The following NR3C1 variants were observed in gnomAD, a reference collection of about 807,000 sequenced individuals.
NR3C1 encodes the protein nuclear receptor subfamily 3 group C member 1, also known as glucocorticoid receptor.
Under a neutral mutation model 74.0 loss-of-function variants are expected in NR3C1, and 14 were observed. That is an observed-to-expected ratio of 0.19 (90% CI 0.12 to 0.30). NR3C1 has a LOEUF of 0.30. NR3C1 is among the 10% of genes least tolerant of loss of function. The pLI, the probability that NR3C1 is intolerant of heterozygous loss-of-function variation, is 1.00. For synonymous variants in NR3C1, 308 were observed against 332.5 expected, an observed-to-expected ratio of 0.93 and a Z score of 0.80; for missense variants, 695 against 909.8, an observed-to-expected ratio of 0.76 and a Z score of 3.04.
intron 1 of NR3C1, chr5:143,408,890 T>G (rs1181869074): frequency 6.6e-6 from 1 of 152,212 alleles, no homozygotes; most frequent in East Asian, 1.9e-4. Flanking sequence ...CTTTTAAAAT[T>G]GTCTTACATC....
chr5:143,304,431 C>T (rs888426073), intron 4 of NR3C1, among the ~76,000 whole-genome samples: 1 of 152,100 alleles, frequency 6.6e-6, no homozygotes, highest in Non-Finnish European at 1.5e-5. Flanking sequence ...AATGGAATAA[C>T]ATTCCATGCT....
intron 2 of NR3C1, among the ~76,000 whole-genome samples, chr5:143,327,615 G>A (rs1824918595): frequency 6.6e-6 from 1 of 152,172 alleles, no homozygotes. Flanking sequence ...ATACAATGAG[G>A]GAACAGGCAT....
At chr5:143,385,698 C>A (rs141422206) in intron 2 of NR3C1, among the ~76,000 whole-genome samples, 14 of 152,364 alleles carry the variant, frequency 9.2e-5, no homozygotes, top group African/African-American at 3.1e-4. Context: ...AGTGCCTCAT[C>A]TCCACCTGAG....
At chr5:143,424,612 C>A (rs994009572) in intron 1 of NR3C1, among the ~76,000 whole-genome samples, 2 of 152,152 alleles carry the variant, frequency 1.3e-5, no homozygotes, top group South Asian at 4.1e-4. Flanking sequence ...GTAATTCTAG[C>A]CTTATATGGC....
intron 2 of NR3C1, among the ~76,000 whole-genome samples, chr5:143,368,796 A>G (rs1600323866): frequency 6.6e-6 from 1 of 152,108 alleles, no homozygotes; most frequent in African/African-American, 2.4e-5. Context: ...AGACTGTGTA[A>G]TTTATTAAAA....
chr5:143,398,447 GCTT>G (rs780435030), intron 2 of NR3C1, among the ~76,000 whole-genome samples: 1 of 138,922 alleles, frequency 7.2e-6, no homozygotes, highest in Non-Finnish European at 1.5e-5. Context: ...AACAAGAAAA[GCTT>G]CTTAAGTACA....
upstream of NR3C1, chr5:143,405,331 C>G (rs1448016814): frequency 1.0e-6 from 1 of 985,516 alleles, no homozygotes; most frequent in Non-Finnish European, 1.2e-6. Flanking sequence ...GCCACTCTCT[C>G]ACCTCCCGCC....
intron 1 of NR3C1, among the ~76,000 whole-genome samples, chr5:143,421,098 A>G (rs1293237677): frequency 6.6e-6 from 1 of 152,196 alleles, no homozygotes; most frequent in African/African-American, 2.4e-5. Context: ...TTTCCAGAGC[A>G]GAGAAAATTC....
Position 143,400,086 on chromosome 5 carries a change from C to G in NR3C1, c.754G>C (p.Asp252His). The G allele has an allele frequency of 1.9e-6, 3 of 1,614,142 alleles. No homozygotes were observed. Among genetic ancestry groups the G allele is most frequent in the Non-Finnish European group, 1.7e-6 (2 of 1,180,030 alleles). Residue 252 changes from aspartate (D) to histidine (H), a missense_variant, in exon 2 of 9, where the codon GAC (aspartate) becomes CAC (histidine). Asp to His is a moderately conservative substitution (Grantham distance 81). Coordinates refer to ENST00000394464, the MANE Select transcript of NR3C1 (RefSeq NM_000176.3). ...NEDCKPLILP[D>H]TKPKIKDNGD... ...TTATCCTTAATTTTGGGTTTAGTGT[C>G]CGGTAAAATGAGAGGCTTGCAGTCC... is the stretch of plus-strand genomic sequence containing the variant.
intron 7 of NR3C1, among the ~76,000 whole-genome samples, chr5:143,288,017 T>C (rs1453903960): frequency 6.6e-6 from 1 of 152,198 alleles, no homozygotes; most frequent in African/African-American, 2.4e-5. Context: ...TGTGGAACTA[T>C]ACTCTGCTCA....
intron 2 of NR3C1, among the ~76,000 whole-genome samples, chr5:143,377,239 T>C (rs982675744): frequency 1.3e-5 from 2 of 152,176 alleles, no homozygotes; most frequent in Admixed American, 1.3e-4. Context: ...CTGTATTCCT[T>C]GATTTGGCAG....
At chr5:143,303,303 G>A (rs1307434098) in intron 4 of NR3C1, among the ~76,000 whole-genome samples, 3 of 150,904 alleles carry the variant, frequency 2.0e-5, no homozygotes, top group East Asian at 1.9e-4. Flanking sequence ...GCTGACCCCC[G>A]TATATATAAA....
chr5:143,406,909 C>T, upstream of NR3C1: 1 of 152,174 alleles, frequency 6.6e-6, no homozygotes, highest in East Asian at 1.9e-4. Context: ...ATAATAATAA[C>T]ACAATTCTAA....
At chr5:143,325,088 T>C (rs1295477436) in intron 2 of NR3C1, among the ~76,000 whole-genome samples, 2 of 152,198 alleles carry the variant, frequency 1.3e-5, no homozygotes, top group South Asian at 4.1e-4. Flanking sequence ...CGCTTCCACA[T>C]TTTTGGGTAT....
At chr5:143,324,963 T>C (rs1159717308) in intron 2 of NR3C1, among the ~76,000 whole-genome samples, 2 of 152,234 alleles carry the variant, frequency 1.3e-5, no homozygotes, top group Non-Finnish European at 2.9e-5. Context: ...AGCCTGGATC[T>C]TATTGTTCAT....
At chr5:143,345,368 C>T (rs1829082200) in intron 2 of NR3C1, among the ~76,000 whole-genome samples, 2 of 152,146 alleles carry the variant, frequency 1.3e-5, no homozygotes, top group African/African-American at 2.4e-5. Context: ...TACCACCACA[C>T]CTGGCTAATT....
chr5:143,404,278 C>T (rs1840896402), upstream of NR3C1: 3 of 985,534 alleles, frequency 3.0e-6, no homozygotes, highest in Non-Finnish European at 3.6e-6. Context: ...GAAACGGTGC[C>T]GCAGCGTCTC....
Position 143,317,111 on chromosome 5 carries a change from T to C in NR3C1, c.1185-2943A>G, listed in dbSNP as rs567541395. The stretch of plus-strand genomic sequence containing the variant: ...AGACATCGGTGAAAAAAGCCAATTT[T>C]TGTCATACAAATAGGAGGAGTAAGA... On this transcript the variant is annotated intron_variant, in intron 2 of 8. Coordinates refer to ENST00000394464, the MANE Select transcript of NR3C1 (RefSeq NM_000176.3). Among the ~76,000 whole-genome samples, 4 of 152,260 alleles carry C rather than the reference T, an allele frequency of 2.6e-5. No homozygotes were observed. In the East Asian group the frequency reaches 7.7e-4, roughly 29 times the overall value.
chr5:143,409,691 A>G (rs78784016), intron 1 of NR3C1, among the ~76,000 whole-genome samples: 1 of 152,220 alleles, frequency 6.6e-6, no homozygotes, highest in East Asian at 1.9e-4. Context: ...CTGCTTCAAT[A>G]TTTGTATTTT....
Sources: gnomAD v4.1 joint callset for allele counts (sites outside exome capture counted in the v4.1 genomes callset) on GRCh38, gnomAD v4.1.1 for gene constraint, MANE v1.5 for transcripts, NCBI Gene and HGNC (gene_info 2026-07-23, HGNC 2026-07-21) for gene names.